The following GPRC5C variants were observed in gnomAD, a reference collection of about 807,000 sequenced individuals.
GPRC5C encodes the protein G protein-coupled receptor family C group 5 member C.
GPRC5C carries 22 observed loss-of-function variants against 31.4 expected under a neutral mutation model. That is an observed-to-expected ratio of 0.70 (90% CI 0.50 to 1.00). The LOEUF (loss-of-function observed/expected upper bound fraction) is 1.00. Among genes scored for constraint, GPRC5C ranks in the 50% least tolerant of loss-of-function variants. GPRC5C has a pLI of 0.00. For synonymous variants in GPRC5C, 249 were observed against 257.5 expected (o/e 0.97, Z 0.32); for missense variants, 557 against 597.2 (o/e 0.93, Z 0.70).
chr17:74,438,688 C>T (rs1047333581), intron 1 of GPRC5C, among the ~76,000 whole-genome samples: 3 of 152,272 alleles, frequency 2.0e-5, no homozygotes, highest in South Asian at 4.1e-4. Flanking sequence ...CATGAACCAC[C>T]GTGCCCAGCA....
In GPRC5C at chr17:74,444,596, G is replaced by A. The variant is rs566082147; in HGVS notation, c.1146+684G>A. ...GAAACAAGGAGGTCAGCTGGGTGGC[G>A]TTCTCATCCCCCTCCCCGCCCTCTC... is the stretch of plus-strand genomic sequence containing the variant. On this transcript the variant is annotated intron_variant, in intron 3 of 3. Coordinates refer to ENST00000392627, the MANE Select transcript of GPRC5C (RefSeq NM_022036.4). Among the ~76,000 whole-genome samples, 16 of 152,258 alleles carry A rather than the reference G, an allele frequency of 1.1e-4. No individual in the cohort carries two copies. The East Asian group carries it at 1.5e-3, about 15-fold the overall frequency.
chr17:74,441,695 A>G lies in GPRC5C; in HGVS notation c.1051+868A>G, dbSNP rs138242899. 6.4e-3 allele frequency among the ~76,000 whole-genome samples: 973 copies of G among 152,110 alleles called. 14 individuals carry two copies. Among genetic ancestry groups the G allele is most frequent in the South Asian group, 0.047 (227 of 4,818 alleles). On this transcript the variant is annotated intron_variant, in intron 2 of 3. Coordinates refer to ENST00000392627, the MANE Select transcript of GPRC5C (RefSeq NM_022036.4). ...AAAAATTAGCCAGGTGTGGTAGTGC[A>G]TGCCTATGGTCCCAGCTCCTCAGGA...
intron 2 of GPRC5C, chr17:74,443,541 TG>T: frequency 1.7e-6 from 1 of 592,454 alleles, no homozygotes; most frequent in Non-Finnish European, 3.2e-6. Context: ...TTTTCTGAGC[TG>T]TTGGGTCAGG....
rs751199319 is a variant in GPRC5C, at chr17:74,440,329, G to A, written c.553G>A (p.Glu185Lys). ...LIITLVRGSGEGGPQGNSSAG... is the reference protein window; with the variant it reads ...LIITLVRGSGKGGPQGNSSAG... The stretch of plus-strand genomic sequence containing the variant: ...CATCACCCTGGTTCGGGGCAGTGGC[G>A]AGGGCGGCCCTCAGGGCAACAGCAG... The change falls in exon 2 of 4, where the codon GAG (glutamate) becomes AAG (lysine). Residue 185 changes from glutamate (E) to lysine (K), a missense_variant. By Grantham distance (56) the Glu-to-Lys change is moderately conservative. Coordinates refer to ENST00000392627, the MANE Select transcript of GPRC5C (RefSeq NM_022036.4). The surrounding 1 kb of genome is among the most constrained non-coding windows in gnomAD (Gnocchi z 4.4). The A allele has an allele frequency of 8.1e-6, 13 of 1,614,042 alleles. No homozygotes were observed. The highest frequency in any genetic ancestry group is 1.6e-4 in the Middle Eastern group (1 of 6,084).
rs1490293386 is a variant in GPRC5C, at chr17:74,440,134, C to T, written c.358C>T (p.Arg120Cys). The T allele has an allele frequency of 9.3e-6, 15 of 1,614,048 alleles. No individual in the cohort carries two copies. The highest frequency in any genetic ancestry group is 3.3e-5 in the South Asian group (3 of 91,090). ...KPDFSTCASR[R>C]FLFGVLFAIC... ...CGACTTCTCCACCTGTGCCTCTCGG[C>T]GCTTCCTCTTTGGGGTTCTGTTCGC... The change falls in exon 2 of 4, where the codon CGC becomes TGC. Residue 120 changes from arginine (R) to cysteine (C), a missense_variant. Physicochemically the swap from Arg to Cys is radical, Grantham distance 180. Coordinates refer to ENST00000392627, the MANE Select transcript of GPRC5C (RefSeq NM_022036.4). The surrounding 1 kb of genome is among the most constrained non-coding windows in gnomAD (Gnocchi z 4.4).
chr17:74,449,605 C>A, downstream of GPRC5C: 1 of 289,876 alleles, frequency 3.4e-6, no homozygotes, highest in South Asian at 2.8e-5. Flanking sequence ...GCTGCAGCTA[C>A]AAGGAGCTGT....
chr17:74,443,300 A>C (rs1405954713), intron 2 of GPRC5C: 1 of 242,592 alleles, frequency 4.1e-6, no homozygotes. Context: ...CTCCCTGGCC[A>C]GGCTCTGGGT....
At chr17:74,435,088 G>A (rs2670830) in intron 1 of GPRC5C, among the ~76,000 whole-genome samples, 2,419 of 151,994 alleles carry the variant, frequency 0.016, 62 homozygotes, top group African/African-American at 0.055. Context: ...GCGTGGTGGC[G>A]GGCGCCTGTA....
intron 1 of GPRC5C, among the ~76,000 whole-genome samples, chr17:74,436,501 G>A (rs971696246): frequency 1.3e-5 from 2 of 152,202 alleles, no homozygotes; most frequent in South Asian, 2.1e-4. Flanking sequence ...CCGTTGTGTG[G>A]CCCTTAATCA....
In GPRC5C at chr17:74,446,976, C is replaced by T. The variant is rs757207937; in HGVS notation, c.1274C>T (p.Pro425Leu). The change falls in exon 4 of 4, where the codon CCG becomes CTG. Residue 425 changes from proline (P) to leucine (L), a missense_variant. Coordinates refer to ENST00000392627, the MANE Select transcript of GPRC5C (RefSeq NM_022036.4). ...CAGAGCCACCAGGCGGCCACACCGC[C>T]GAAAGACGGCAAGAACTCTCAGGTC... ...SAQSHQAATP[P>L]KDGKNSQVFR... 1.1e-5 allele frequency: 17 copies of T among 1,614,056 alleles called. No homozygotes were observed. The highest frequency in any genetic ancestry group is 2.7e-5 in the African/African-American group (2 of 74,950).
chr17:74,447,054 C>A lies in GPRC5C; in HGVS notation c.*26C>A, dbSNP rs368026008. 2.5e-6 allele frequency: 4 copies of A among 1,595,410 alleles called. No homozygotes were observed. Among genetic ancestry groups the A allele is most frequent in the South Asian group, 2.2e-5 (2 of 89,864 alleles). On this transcript the variant is annotated 3_prime_UTR_variant, in exon 4 of 4. Transcript: ENST00000392627. The stretch of plus-strand genomic sequence containing the variant: ...GTCAGCGGTGGCGAGGAGAGGCGGG[C>A]GGATTTGGGGAGGGCCCTGAGGACC...
Position 74,432,126 on chromosome 17 carries a change from T to G in GPRC5C, c.-48T>G. The G allele has an allele frequency of 6.2e-7, 1 of 1,612,980 alleles. No homozygotes were observed. The highest frequency in any genetic ancestry group is 8.5e-7 in the Non-Finnish European group (1 of 1,179,662). On this transcript the variant is annotated 5_prime_UTR_variant, in exon 1 of 4. Coordinates refer to ENST00000392627, the MANE Select transcript of GPRC5C (RefSeq NM_022036.4). ...TCCCTCACCAGCCGGAAAGTACGAG[T>G]CGGCTCAGCCTGGAGGTGAGTCGGG...
In GPRC5C at chr17:74,447,395, A is replaced by G; in HGVS notation, c.*367A>G. ...TGGATCTTGCTCCTCTGTGAGGAAC[A>G]AGGGTGCCTAATAAATACATTTCTG... On this transcript the variant is annotated 3_prime_UTR_variant, in exon 4 of 4. Transcript: ENST00000392627. The G allele has an allele frequency of 9.9e-7, 1 of 1,010,886 alleles. No homozygotes were observed. Among genetic ancestry groups the G allele is most frequent in the Non-Finnish European group, 1.2e-6 (1 of 843,492 alleles). The allele number at this position is 1,010,886 out of a possible 1,614,324, so 62.6% of individuals were successfully genotyped here. A position where few individuals can be genotyped will look rare whatever the true frequency, so the allele number is the denominator to read the frequency against.
chr17:74,438,045 C>CT (rs528106454), intron 1 of GPRC5C, among the ~76,000 whole-genome samples: 2 of 149,964 alleles, frequency 1.3e-5, no homozygotes, highest in South Asian at 2.1e-4. Flanking sequence ...TCTTTTCTTT[C>CT]TTTTTTTTGG....
chr17:74,435,712 C>A (rs1212155907), intron 1 of GPRC5C, among the ~76,000 whole-genome samples: 1 of 152,240 alleles, frequency 6.6e-6, no homozygotes, highest in East Asian at 1.9e-4. Flanking sequence ...AGCTGTGAAG[C>A]TTTCCTGACC....
chr17:74,432,508 C>G, intron 1 of GPRC5C: 2 of 1,014,798 alleles, frequency 2.0e-6, no homozygotes, highest in Non-Finnish European at 1.2e-6. Flanking sequence ...GGAGCGGGGC[C>G]GGCGGCGAGT....
intron 1 of GPRC5C, among the ~76,000 whole-genome samples, chr17:74,435,422 C>T (rs1340393284): frequency 6.6e-6 from 1 of 152,128 alleles, no homozygotes; most frequent in African/African-American, 2.4e-5. Context: ...CTGGGGGAAC[C>T]AGAGAAATAA....
At chr17:74,434,124 G>C (rs113954294) in intron 1 of GPRC5C, among the ~76,000 whole-genome samples, 2,362 of 152,252 alleles carry the variant, frequency 0.016, 49 homozygotes, top group East Asian at 0.076. Flanking sequence ...GGCCGATTTC[G>C]GAGGCGATTA....
chr17:74,448,616 T>C (rs2055677542), downstream of GPRC5C, among the ~76,000 whole-genome samples: 1 of 152,198 alleles, frequency 6.6e-6, no homozygotes, highest in African/African-American at 2.4e-5. Context: ...TGGCCTCAAG[T>C]GATCTGCCCA....
Sources: allele counts gnomAD v4.1 joint callset (sites outside exome capture counted in the v4.1 genomes callset), GRCh38; gene constraint gnomAD v4.1.1; non-coding constraint Gnocchi (gnomAD v3.1); transcripts MANE v1.5; gene names NCBI Gene and HGNC (gene_info 2026-07-23, HGNC 2026-07-21).